The following EXT1 variants were observed in gnomAD, a reference collection of about 807,000 sequenced individuals.
The protein encoded by EXT1 is exostosin glycosyltransferase 1.
A neutral mutation model predicts 82.5 loss-of-function variants in EXT1; 20 were observed. That is an observed-to-expected ratio of 0.24 (90% CI 0.17 to 0.35). The LOEUF is 0.35. Among genes scored for constraint, EXT1 ranks in the 10% least tolerant of loss-of-function variants. The probability of loss-of-function intolerance (pLI) is 1.00; values close to 1 mark genes in which losing one functional copy is unlikely to be tolerated. For synonymous variants in EXT1, 348 were observed against 350.8 expected (o/e 0.99, Z 0.09); for missense variants, 757 against 936.5 (o/e 0.81, Z 2.50).
At chr8:117,962,616 T>C (rs112808195) in intron 1 of EXT1, among the ~76,000 whole-genome samples, 13 of 152,162 alleles carry the variant, frequency 8.5e-5, no homozygotes, top group African/African-American at 3.1e-4. Context: ...AGCTGGGCTT[T>C]GTGGTGCATG....
chr8:118,042,469 A>G (rs1816550723), intron 1 of EXT1, among the ~76,000 whole-genome samples: 1 of 151,910 alleles, frequency 6.6e-6, no homozygotes, highest in African/African-American at 2.4e-5. Flanking sequence ...TAGTTTTTGT[A>G]TTTTTAGTAG....
At chr8:118,049,779 A>G (rs1244194617) in intron 1 of EXT1, among the ~76,000 whole-genome samples, 1 of 152,118 alleles carries the variant, frequency 6.6e-6, no homozygotes, top group Non-Finnish European at 1.5e-5. Flanking sequence ...AAGCAACCAC[A>G]TCAGCTTAAC....
intron 1 of EXT1, among the ~76,000 whole-genome samples, chr8:117,926,068 C>T (rs1442996171): frequency 6.6e-6 from 1 of 152,198 alleles, no homozygotes; most frequent in Non-Finnish European, 1.5e-5. Flanking sequence ...ATAGAAGAGA[C>T]CGCACTTGGC....
chr8:117,846,772 A>C (rs541266678), intron 1 of EXT1, among the ~76,000 whole-genome samples: 1 of 152,292 alleles, frequency 6.6e-6, no homozygotes, highest in African/African-American at 2.4e-5. Context: ...CAGCAGCCCG[A>C]GAAGACCAGG....
At chr8:117,904,143 C>T (rs1340657923) in intron 1 of EXT1, among the ~76,000 whole-genome samples, 1 of 152,204 alleles carries the variant, frequency 6.6e-6, no homozygotes, top group Non-Finnish European at 1.5e-5. Flanking sequence ...AAGACCAGCT[C>T]TTAAGGATAA....
chr8:118,104,779 T>G (rs1817779416), intron 1 of EXT1, among the ~76,000 whole-genome samples: 1 of 152,140 alleles, frequency 6.6e-6, no homozygotes, highest in Non-Finnish European at 1.5e-5. Flanking sequence ...TTTTGGACCT[T>G]TGGATTAGGG....
chr8:117,930,197 C>T (rs1209435753), intron 1 of EXT1, among the ~76,000 whole-genome samples: 1 of 152,062 alleles, frequency 6.6e-6, no homozygotes. Context: ...ACCTATCACT[C>T]ATTGTCATCC....
chr8:117,830,082 G>A (rs1812072899), intron 4 of EXT1, 148 bp downstream of exon 4: 8 of 989,524 alleles, frequency 8.1e-6, no homozygotes, highest in Non-Finnish European at 1.2e-5. Flanking sequence ...GGCAAAGCAG[G>A]TAAAAGAGGT....
chr8:118,027,108 G>A (rs1373356047), intron 1 of EXT1, among the ~76,000 whole-genome samples: 1 of 152,048 alleles, frequency 6.6e-6, no homozygotes. Flanking sequence ...CCAGAAAATG[G>A]GTCATAAACT....
chr8:117,852,924 T>C (rs1383066586), intron 1 of EXT1, among the ~76,000 whole-genome samples: 2 of 152,096 alleles, frequency 1.3e-5, no homozygotes, highest in Non-Finnish European at 2.9e-5. Context: ...TCAACAGCTA[T>C]AGTAGTTCCA....
chr8:117,974,841 C>G (rs558898419), intron 1 of EXT1, among the ~76,000 whole-genome samples: 20 of 152,250 alleles, frequency 1.3e-4, no homozygotes, highest in Non-Finnish European at 8.8e-5. Flanking sequence ...GCCAGTTTAA[C>G]CAAACCCAGA....
chr8:117,810,987 G>A (rs1823309320), intron 8 of EXT1, among the ~76,000 whole-genome samples: 2 of 152,152 alleles, frequency 1.3e-5, no homozygotes, highest in South Asian at 4.2e-4. Flanking sequence ...CATCTCTCAG[G>A]GCCTTTGAAA....
At chr8:117,879,771 G>A (rs1230243825) in intron 1 of EXT1, among the ~76,000 whole-genome samples, 9 of 152,180 alleles carry the variant, frequency 5.9e-5, no homozygotes, top group Admixed American at 1.3e-4. Flanking sequence ...AAATAGTTCA[G>A]ATCAGTCTCT....
chr8:117,812,949 G>T lies in EXT1; in HGVS notation c.1645C>A (p.Arg549Ser). The T allele has an allele frequency of 6.2e-7, 1 of 1,613,732 alleles. No individual in the cohort carries two copies. The highest frequency in any genetic ancestry group is 8.5e-7 in the Non-Finnish European group (1 of 1,179,890). Residue 549 changes from arginine to serine, a missense_variant, in exon 8 of 11, where the codon CGT (arginine) becomes AGT (serine). By Grantham distance (110) the Arg-to-Ser change is moderately radical. Around this residue, in one of 4 missense-constraint regions of EXT1, gnomAD observed 207 missense variants for 224.2 expected, o/e 0.92. Coordinates refer to ENST00000378204, the MANE Select transcript of EXT1 (RefSeq NM_000127.3). ...IEGESKVMSS[R>S]FLPYDNIITD... ...ATGATGTTGTCGTAGGGCAGAAAAC[G>T]GCTGCTCATAACCTGGGAGGAAGTA... is the stretch of plus-strand genomic sequence containing the variant.
chr8:117,953,095 C>T (rs916876373), intron 1 of EXT1, among the ~76,000 whole-genome samples: 4 of 152,144 alleles, frequency 2.6e-5, no homozygotes, highest in Admixed American at 6.5e-5. Flanking sequence ...ACGATTCCCT[C>T]TTTTGTTGCT....
At chr8:117,854,007 C>T (rs993726587) in intron 1 of EXT1, among the ~76,000 whole-genome samples, 37 of 152,270 alleles carry the variant, frequency 2.4e-4, no homozygotes, top group Non-Finnish European at 5.3e-4. Context: ...ACAGGAAGAA[C>T]GCCCAGGAGC....
Position 117,839,345 on chromosome 8 carries a change from T to A in EXT1, c.963-2144A>T, listed in dbSNP as rs567072301. Among the ~76,000 whole-genome samples the A allele has an allele frequency of 2.0e-5, 3 of 152,192 alleles. No individual in the cohort carries two copies. The South Asian group carries it at 6.2e-4, about 31-fold the overall frequency. ...TACTTGATTACTCTTTATCTTATCA[T>A]TTTTGGGTAAGAAAGAGGAATGTCC... On this transcript the variant is annotated intron_variant, in intron 1 of 10. Coordinates refer to ENST00000378204, the MANE Select transcript of EXT1 (RefSeq NM_000127.3).
At chr8:118,062,848 A>C (rs139563005) in intron 1 of EXT1, among the ~76,000 whole-genome samples, 14 of 152,290 alleles carry the variant, frequency 9.2e-5, no homozygotes, top group Non-Finnish European at 2.1e-4. Flanking sequence ...ACAAGACTAT[A>C]TAATTTATTC....
intron 1 of EXT1, among the ~76,000 whole-genome samples, chr8:118,047,576 GCT>G (rs1186954185): frequency 6.6e-6 from 1 of 152,036 alleles, no homozygotes; most frequent in Admixed American, 6.6e-5. Context: ...AATAAATGGT[GCT>G]CTCTTTTCCC....
Sources: allele counts gnomAD v4.1 joint callset (sites outside exome capture counted in the v4.1 genomes callset), GRCh38; gene constraint gnomAD v4.1.1; regional missense constraint gnomAD v4.1.1; transcripts MANE v1.5; gene names NCBI Gene and HGNC (gene_info 2026-07-23, HGNC 2026-07-21).